LYPLAL1: variants seen among roughly 807,000 people sequenced by gnomAD.
LYPLAL1 encodes lysophospholipase like 1.
In LYPLAL1, 23 loss-of-function variants were observed where a neutral mutation model predicts 19.7. The observed-to-expected ratio is 1.17, with a 90% confidence interval of 0.84 to 1.65. The LOEUF (loss-of-function observed/expected upper bound fraction) is 1.65, where lower values mean the gene tolerates loss of function less well. Ranked by LOEUF, LYPLAL1 falls within the 40% of genes most tolerant of loss-of-function variation. The pLI is 0.00. For synonymous variants in LYPLAL1, 119 were observed against 96.3 expected (o/e 1.24, Z -1.38); for missense variants, 355 against 279.4 (o/e 1.27, Z -1.93).
chr1:219,198,094 AGAT>A (rs1275058991), intron 3 of LYPLAL1, among the ~76,000 whole-genome samples: 1 of 152,158 alleles, frequency 6.6e-6, no homozygotes, highest in Non-Finnish European at 1.5e-5. Flanking sequence ...CTTGAGAAAA[AGAT>A]GATTTTTAAA....
intron 1 of LYPLAL1, among the ~76,000 whole-genome samples, chr1:219,177,838 CA>C (rs1363043199): frequency 1.3e-5 from 2 of 152,180 alleles, no homozygotes; most frequent in Non-Finnish European, 2.9e-5. Context: ...ACCTTTCTGT[CA>C]GAAATATTCA....
At chr1:219,418,307 AATAAAAG>A in the LYPLAL1 span, among the ~76,000 whole-genome samples, 2 of 152,050 alleles carry the variant, frequency 1.3e-5, no homozygotes, top group Non-Finnish European at 2.9e-5. Context: ...CTCATTCACA[AATAAAAG>A]ATAAAGGGTA....
the LYPLAL1 span, among the ~76,000 whole-genome samples, chr1:219,322,854 T>A: frequency 6.6e-6 from 1 of 152,162 alleles, no homozygotes; most frequent in South Asian, 2.1e-4. Context: ...AATTAGAAAA[T>A]CTTAAGTTAG....
the LYPLAL1 span, among the ~76,000 whole-genome samples, chr1:219,395,758 A>C: frequency 6.6e-6 from 1 of 152,094 alleles, no homozygotes; most frequent in Non-Finnish European, 1.5e-5. Context: ...TGGGTTTTAC[A>C]TTTAAGTCCT....
chr1:219,221,011 A>T, the LYPLAL1 span, among the ~76,000 whole-genome samples: 1 of 152,172 alleles, frequency 6.6e-6, no homozygotes, highest in South Asian at 2.1e-4. Context: ...GGTCAATGTC[A>T]ATGACCCATG....
chr1:219,292,047 A>C, the LYPLAL1 span, among the ~76,000 whole-genome samples: 1 of 152,168 alleles, frequency 6.6e-6, no homozygotes, highest in Non-Finnish European at 1.5e-5. Flanking sequence ...CTGGGTGTGC[A>C]GTGGGGGCCC....
At chr1:219,295,402 A>AT in the LYPLAL1 span, among the ~76,000 whole-genome samples, 20 of 152,214 alleles carry the variant, frequency 1.3e-4, no homozygotes, top group African/African-American at 3.6e-4. Flanking sequence ...TTGATTTGCT[A>AT]TTTTTTGGGT....
chr1:219,343,264 AG>A, the LYPLAL1 span, among the ~76,000 whole-genome samples: 1 of 152,226 alleles, frequency 6.6e-6, no homozygotes, highest in Non-Finnish European at 1.5e-5. Context: ...GATGAGCCCA[AG>A]GTCCTAGGGG....
chr1:219,215,281 T>G (rs886967029), downstream of LYPLAL1, among the ~76,000 whole-genome samples: 4 of 152,160 alleles, frequency 2.6e-5, no homozygotes, highest in African/African-American at 9.7e-5. Flanking sequence ...TTAAACATGT[T>G]GTTTTCCTAT....
the LYPLAL1 span, among the ~76,000 whole-genome samples, chr1:219,410,467 T>G: frequency 6.6e-6 from 1 of 152,160 alleles, no homozygotes; most frequent in African/African-American, 2.4e-5. Context: ...TTTTGTTTGG[T>G]TTTGAGAGGT....
the LYPLAL1 span, among the ~76,000 whole-genome samples, chr1:219,399,417 G>A: frequency 2.8e-3 from 426 of 152,320 alleles, 12 homozygotes; most frequent in Admixed American, 0.024. Context: ...TGCAATGGCA[G>A]TTGCCAGGAT....
At chr1:219,248,774 T>A in the LYPLAL1 span, among the ~76,000 whole-genome samples, 3 of 152,102 alleles carry the variant, frequency 2.0e-5, no homozygotes, top group African/African-American at 7.2e-5. Flanking sequence ...TGATGATGAA[T>A]TAGACACCTA....
the LYPLAL1 span, among the ~76,000 whole-genome samples, chr1:219,365,589 T>C: frequency 2.6e-5 from 4 of 152,322 alleles, no homozygotes; most frequent in South Asian, 8.3e-4. Flanking sequence ...CTTCCCTGGA[T>C]ACCTCTACAA....
chr1:219,370,525 AC>A, the LYPLAL1 span, among the ~76,000 whole-genome samples: 12 of 152,202 alleles, frequency 7.9e-5, no homozygotes, highest in Admixed American at 7.2e-4. Context: ...CTGTGGGCTC[AC>A]AGATTAAGCC....
the LYPLAL1 span, among the ~76,000 whole-genome samples, chr1:219,229,210 C>T: frequency 6.7e-6 from 1 of 150,112 alleles, no homozygotes; most frequent in Non-Finnish European, 1.5e-5. Flanking sequence ...AGAGCGTGGT[C>T]CCTTTAAATG....
the LYPLAL1 span, among the ~76,000 whole-genome samples, chr1:219,313,626 C>G: frequency 6.6e-6 from 1 of 151,972 alleles, no homozygotes; most frequent in African/African-American, 2.4e-5. Context: ...CCACATACTT[C>G]CGGGTTCATG....
the LYPLAL1 span, among the ~76,000 whole-genome samples, chr1:219,287,731 G>A: frequency 6.6e-6 from 1 of 152,186 alleles, no homozygotes; most frequent in Admixed American, 6.5e-5. Flanking sequence ...TTAGCTCTGT[G>A]TCCTCACCCA....
the LYPLAL1 span, among the ~76,000 whole-genome samples, chr1:219,244,963 TC>T: frequency 6.7e-6 from 1 of 149,548 alleles, no homozygotes. Context: ...TCCTTTCTCT[TC>T]CTTCCTTCCT....
At chr1:219,395,967 G>C in the LYPLAL1 span, among the ~76,000 whole-genome samples, 2 of 152,000 alleles carry the variant, frequency 1.3e-5, no homozygotes, top group Admixed American at 1.3e-4. Flanking sequence ...GCCGGGCATG[G>C]TGGCGGGCAC....
Sources: gnomAD v4.1 joint callset for allele counts (sites outside exome capture counted in the v4.1 genomes callset) on GRCh38, gnomAD v4.1.1 for gene constraint, MANE v1.5 for transcripts, NCBI Gene and HGNC (gene_info 2026-07-23, HGNC 2026-07-21) for gene names.